GFPT1: variants seen among roughly 807,000 people sequenced by gnomAD.
GFPT1 encodes glutamine--fructose-6-phosphate aminotransferase [isomerizing] 1.
GFPT1 carries 40 observed loss-of-function variants against 92.0 expected under a neutral mutation model. The observed-to-expected ratio is 0.43, with a 90% CI of 0.34 to 0.57. The LOEUF (loss-of-function observed/expected upper bound fraction) is 0.57. Ranked by LOEUF, GFPT1 falls within the 20% of genes least tolerant of loss-of-function variation. GFPT1 has a pLI of 0.02. For synonymous variants in GFPT1, 269 were observed against 280.6 expected (o/e 0.96, Z 0.41); for missense variants, 448 against 869.1 (o/e 0.52, Z 6.09).
chr2:69,347,193 G>A (rs1047259698), intron 11 of GFPT1, among the ~76,000 whole-genome samples: 2 of 151,578 alleles, frequency 1.3e-5, no homozygotes, highest in African/African-American at 4.9e-5. Context: ...TTACAGGTGT[G>A]AGCCAGTGCA....
chr2:69,374,239 G>A, intron 1 of GFPT1, 126 bp from the exon 2 acceptor site: 1 of 561,070 alleles, frequency 1.8e-6, no homozygotes, highest in South Asian at 1.9e-5. Context: ...ACCGTTTAAA[G>A]GCAATGGAAC....
rs768965445 is a variant in GFPT1 at position 69,330,578 on chromosome 2, T to TA, written c.1483-781dup. Among the ~76,000 whole-genome samples, 496 of 130,642 alleles carry TA rather than the reference T, an allele frequency of 3.8e-3. 2 individuals are homozygous for TA. The highest frequency in any genetic ancestry group is 7.1e-3 in the East Asian group (33 of 4,646). The allele number at this position is 130,642 out of a possible 152,430, so 85.7% of individuals were successfully genotyped here. A position where few individuals can be genotyped will look rare whatever the true frequency, so the allele number is the denominator to read the frequency against. On this transcript the variant is annotated intron_variant, in intron 15 of 19. Coordinates refer to ENST00000357308, the MANE Select transcript of GFPT1 (RefSeq NM_001244710.2). ...CCAGTTTTATGTTTTAAGTTTGCAT[T>TA]AAAAAAAAAAAAAAGGAAAACTACA...
At chr2:69,384,785 GAAAGAAAGA>G (rs949234312) in intron 1 of GFPT1, among the ~76,000 whole-genome samples, 3 of 148,104 alleles carry the variant, frequency 2.0e-5, no homozygotes, top group African/African-American at 7.4e-5. Flanking sequence ...GAAAAAGAAA[GAAAGAAAGA>G]AAAGAAAAGA....
intron 1 of GFPT1, among the ~76,000 whole-genome samples, chr2:69,386,286 C>T (rs5013338): frequency 0.66 from 99,822 of 152,122 alleles, 34,065 homozygotes; most frequent in African/African-American, 0.86. Flanking sequence ...GCTCAACTTT[C>T]CATAGCTAGT....
At chr2:69,344,419 G>C (rs1558745074) in intron 12 of GFPT1, among the ~76,000 whole-genome samples, 1 of 152,118 alleles carries the variant, frequency 6.6e-6, no homozygotes, top group Non-Finnish European at 1.5e-5. Flanking sequence ...CTTTTGAGAT[G>C]AGGTAAGCCA....
intron 15 of GFPT1, 58 bp downstream of exon 15, chr2:69,337,827 AGTCTACAGACTAG>A (rs1670838365): frequency 8.5e-7 from 1 of 1,180,592 alleles, no homozygotes; most frequent in Non-Finnish European, 1.3e-6. Context: ...GATACAGACT[AGTCTACAGACTAG>A]TCTGCTTCAC....
At chr2:69,339,800 T>A (rs1014343538) in intron 13 of GFPT1, among the ~76,000 whole-genome samples, 1 of 152,196 alleles carries the variant, frequency 6.6e-6, no homozygotes, top group African/African-American at 2.4e-5. Context: ...TGGCATTTTT[T>A]AACAATATTA....
In GFPT1 at chr2:69,337,859, T is replaced by C. The variant is rs1284043032; in HGVS notation, c.1482+39A>G. ...AGACTAGTCTGCTTCACTGACACTATGATTAAATAATCATCAGAGAAATGA... is the reference window on the plus strand; with the variant it reads ...AGACTAGTCTGCTTCACTGACACTACGATTAAATAATCATCAGAGAAATGA... On this transcript the variant is annotated intron_variant, in intron 15 of 19. Coordinates refer to ENST00000357308, the MANE Select transcript of GFPT1 (RefSeq NM_001244710.2). 5 of 1,554,516 alleles carry C rather than the reference T, an allele frequency of 3.2e-6. No homozygotes were observed. The South Asian group carries it at 4.5e-5, about 14-fold the overall frequency.
intron 15 of GFPT1, among the ~76,000 whole-genome samples, chr2:69,334,039 C>A (rs1241086723): frequency 6.6e-6 from 1 of 152,068 alleles, no homozygotes; most frequent in African/African-American, 2.4e-5. Flanking sequence ...ACCTGTAATC[C>A]CAGCTACTTG....
rs2104599995 is a variant in GFPT1 at position 69,329,321 on chromosome 2, A to G, written c.1701T>C (p.Tyr567=). 1 of 1,613,900 alleles carries G rather than the reference A, an allele frequency of 6.2e-7. No homozygotes were observed. The highest frequency in any genetic ancestry group is 2.2e-5 in the East Asian group (1 of 44,858). ...CCAGTGCCCCTTCAAGACAAGTAGCATAATGATAGCCTCGTCCCATTATCA... is the reference window on the plus strand; with the variant it reads ...CCAGTGCCCCTTCAAGACAAGTAGCGTAATGATAGCCTCGTCCCATTATCA... ...SVLIMGRGYH[Y]ATCLEGALKI... is the part of the protein sequence containing the mutation. The change falls in exon 17 of 20, where the codon TAT becomes TAC. Residue 567 remains tyrosine (Y), a synonymous_variant. Coordinates refer to ENST00000357308, the MANE Select transcript of GFPT1 (RefSeq NM_001244710.2).
rs368320440 is a variant in GFPT1, at chr2:69,348,155, T to G, written c.1009+16A>C. 1.2e-6 allele frequency: 2 copies of G among 1,602,122 alleles called. No individual in the cohort carries two copies. The highest frequency in any genetic ancestry group is 1.7e-6 in the Non-Finnish European group (2 of 1,169,082). On this transcript the variant is annotated intron_variant, in intron 11 of 19. Transcript: ENST00000357308. ...CCAGTAAGGACAGCAAGCTATAACA[T>G]GACAAAAACTTTCACCCTTCATGAT...
At chr2:69,370,894 G>A (rs1031649114) in intron 2 of GFPT1, among the ~76,000 whole-genome samples, 4 of 151,710 alleles carry the variant, frequency 2.6e-5, no homozygotes, top group African/African-American at 9.7e-5. Context: ...CAGCTACTTG[G>A]GAGGCTGAGG....
intron 15 of GFPT1, among the ~76,000 whole-genome samples, chr2:69,334,010 G>C (rs1211776327): frequency 6.6e-6 from 1 of 152,076 alleles, no homozygotes; most frequent in Non-Finnish European, 1.5e-5. Flanking sequence ...ACAAAAATTG[G>C]CCAGGCGTGG....
chr2:69,350,510 T>C (rs780801045), intron 9 of GFPT1, among the ~76,000 whole-genome samples: 26 of 152,294 alleles, frequency 1.7e-4, no homozygotes, highest in Middle Eastern at 3.4e-3. Context: ...AAAGTATGTA[T>C]AAATTAATTT....
At chr2:69,375,799 C>G (rs1005766804) in intron 1 of GFPT1, among the ~76,000 whole-genome samples, 1 of 152,232 alleles carries the variant, frequency 6.6e-6, no homozygotes, top group African/African-American at 2.4e-5. Flanking sequence ...GAGATACCCA[C>G]AAATAGCATT....
rs918488122 is a variant in GFPT1 at position 69,379,447 on chromosome 2, G to T, written c.8-5334C>A. Among the ~76,000 whole-genome samples, 6 of 152,172 alleles carry T rather than the reference G, an allele frequency of 3.9e-5. No individual in the cohort carries two copies. In the South Asian group the frequency reaches 1.2e-3, roughly 32 times the overall value. ...GGTGAGAGAATCACTTGAGCCCAGG[G>T]GTTCAAGGTTGCAGTGAACTAGTCA... On this transcript the variant is annotated intron_variant, in intron 1 of 19. Transcript: ENST00000357308.
rs575644342 is a variant in GFPT1, at chr2:69,334,744, T to C, written c.1482+3154A>G. ...AAAGAAGCTAGACACACAAGACGTG[T>C]TATACAATTCCATTTACAAAAATTT... On this transcript the variant is annotated intron_variant, in intron 15 of 19. Coordinates refer to ENST00000357308, the MANE Select transcript of GFPT1 (RefSeq NM_001244710.2). 3 of 152,290 alleles carry C rather than the reference T, an allele frequency of 2.0e-5. No individual in the cohort carries two copies. The South Asian group carries it at 6.2e-4, about 32-fold the overall frequency. The allele number at this position is 152,290 out of a possible 1,614,324, so 9.4% of individuals were successfully genotyped here.
At chr2:69,359,975 A>T (rs1275478845) in intron 4 of GFPT1, among the ~76,000 whole-genome samples, 1 of 152,196 alleles carries the variant, frequency 6.6e-6, no homozygotes, top group African/African-American at 2.4e-5. Context: ...TGAAAACTGT[A>T]AGAACAGATA....
intron 1 of GFPT1, among the ~76,000 whole-genome samples, chr2:69,384,795 AAAG>A (rs1345606762): frequency 6.8e-6 from 1 of 146,934 alleles, no homozygotes; most frequent in East Asian, 1.9e-4. Flanking sequence ...GAAAGAAAGA[AAAG>A]AAAAGAAAGA....
Sources: allele counts gnomAD v4.1 joint callset (sites outside exome capture counted in the v4.1 genomes callset), GRCh38; gene constraint gnomAD v4.1.1; transcripts MANE v1.5; gene names NCBI Gene and HGNC (gene_info 2026-07-23, HGNC 2026-07-21).